Variants in CNTLN observed in about 807,000 individuals in gnomAD.
CNTLN encodes the protein centlein, centrosomal protein.
In CNTLN, 212 loss-of-function variants were observed where a neutral mutation model predicts 180.0. That is an observed-to-expected ratio of 1.18 (90% CI 1.05 to 1.32). The LOEUF (loss-of-function observed/expected upper bound fraction) is 1.32. CNTLN is among the 40% of genes most tolerant of loss of function. The probability of loss-of-function intolerance (pLI) is 0.00; values close to 1 mark genes in which losing one functional copy is unlikely to be tolerated. For missense variants in CNTLN, 2,095 were observed against 1,610.9 expected (o/e 1.30, Z -5.14); for synonymous variants, 722 against 563.1 (o/e 1.28, Z -3.99).
At chr9:17,517,845 G>T in the CNTLN span, among the ~76,000 whole-genome samples, 6 of 152,108 alleles carry the variant, frequency 3.9e-5, no homozygotes, top group South Asian at 8.3e-4. Flanking sequence ...AAAGGGTGGG[G>T]AGAACTAGGC....
intron 6 of CNTLN, among the ~76,000 whole-genome samples, chr9:17,289,768 A>T: frequency 7.0e-6 from 1 of 142,880 alleles, no homozygotes; most frequent in Non-Finnish European, 1.5e-5. Flanking sequence ...TTCATCTTCC[A>T]TTGCTGATAC....
At chr9:17,504,134 A>G (rs546375220), downstream of CNTLN, among the ~76,000 whole-genome samples, 1 of 152,300 alleles carries the variant, frequency 6.6e-6, no homozygotes, top group South Asian at 2.1e-4. Context: ...TTTTCATGTC[A>G]AAACAGGAAA....
intron 7 of CNTLN, chr9:17,299,851 T>G (rs1818223482): frequency 1.0e-6 from 1 of 957,056 alleles, no homozygotes; most frequent in African/African-American, 1.8e-5. Flanking sequence ...TGAAACATTT[T>G]TTTCCCCTCT....
chr9:17,373,969 A>G (rs1198011016), intron 13 of CNTLN, among the ~76,000 whole-genome samples: 3 of 152,310 alleles, frequency 2.0e-5, no homozygotes, highest in East Asian at 1.9e-4. Flanking sequence ...ATCAAACACA[A>G]TGGATTAAAC....
chr9:17,292,487 G>T (rs2483208), intron 6 of CNTLN, among the ~76,000 whole-genome samples: 26,668 of 151,922 alleles, frequency 0.18, 2,637 homozygotes, highest in South Asian at 0.28. Context: ...AGTTCATGGA[G>T]GTTTTGTTTC....
intron 13 of CNTLN, among the ~76,000 whole-genome samples, chr9:17,368,600 C>T (rs1824030785): frequency 1.3e-5 from 2 of 152,112 alleles, no homozygotes; most frequent in Non-Finnish European, 2.9e-5. Flanking sequence ...GTGGTGGTGG[C>T]CACAGGGGTG....
At chr9:17,433,953 G>C (rs114201691) in intron 18 of CNTLN, among the ~76,000 whole-genome samples, 294 of 152,240 alleles carry the variant, frequency 1.9e-3, no homozygotes, top group African/African-American at 6.8e-3. Context: ...GATAATAAGA[G>C]TTTTCCCCAA....
rs147511883 is a variant in CNTLN, at chr9:17,136,248, T to C, written c.360+823T>C. Among the ~76,000 whole-genome samples, 172 of 152,288 alleles carry C rather than the reference T, an allele frequency of 1.1e-3. 2 individuals carry two copies. Among genetic ancestry groups the C allele is most frequent in the South Asian group, 7.7e-3 (37 of 4,826 alleles). On this transcript the variant is annotated intron_variant, in intron 1 of 25. Transcript: ENST00000380647. ...TGGATGTGGGAAACTCACTGAACAGTAGATCTTTAAGTCACTCTGTCTTCA... is the reference window on the plus strand; with the variant it reads ...TGGATGTGGGAAACTCACTGAACAGCAGATCTTTAAGTCACTCTGTCTTCA...
chr9:17,143,432 T>C, intron 2 of CNTLN, 56 bp downstream of exon 2: 1 of 1,278,466 alleles, frequency 7.8e-7, no homozygotes, highest in Non-Finnish European at 1.1e-6. Context: ...TTGTTTCTCT[T>C]CATTATTAAA....
intron 6 of CNTLN, among the ~76,000 whole-genome samples, chr9:17,283,607 G>GC (rs1415967990): frequency 6.6e-6 from 1 of 152,076 alleles, no homozygotes; most frequent in African/African-American, 2.4e-5. Flanking sequence ...TTCCCTGACT[G>GC]CCCTGGCCAG....
rs60903479 is a variant in CNTLN at position 17,503,577 on chromosome 9, C to G, written c.*925C>G. The G allele has an allele frequency of 0.11, 16,699 of 152,296 alleles. 2,578 individuals are homozygous for G. The highest frequency in any genetic ancestry group is 0.35 in the African/African-American group (14,541 of 41,464). The allele number at this position is 152,296 out of a possible 1,614,324, so 9.4% of individuals were successfully genotyped here. Reference sequence around the variant, plus strand: ...TGGCTGGCTCCTTGTCATCATTCAGCTCCACCTTCCCCGGTCCCTCAGAGA... The same window carrying G: ...TGGCTGGCTCCTTGTCATCATTCAGGTCCACCTTCCCCGGTCCCTCAGAGA... On this transcript the variant is annotated 3_prime_UTR_variant, in exon 26 of 26. Transcript: ENST00000380647.
chr9:17,251,114 T>A (rs184925840), intron 5 of CNTLN, among the ~76,000 whole-genome samples: 224 of 152,188 alleles, frequency 1.5e-3, no homozygotes, highest in African/African-American at 4.3e-3. Flanking sequence ...AATCAGCTTT[T>A]ACTCTCATTA....
At chr9:17,516,524 G>A in the CNTLN span, among the ~76,000 whole-genome samples, 1 of 152,204 alleles carries the variant, frequency 6.6e-6, no homozygotes, top group Admixed American at 6.5e-5. Flanking sequence ...GTGCAGAAAT[G>A]TAACTGGACA....
At chr9:17,296,081 G>T (rs1210999567) in intron 6 of CNTLN, among the ~76,000 whole-genome samples, 1 of 151,412 alleles carries the variant, frequency 6.6e-6, no homozygotes, top group Non-Finnish European at 1.5e-5. Context: ...GAGTGGGGTG[G>T]TGCGATCTCG....
At chr9:17,322,206 G>T (rs930400915) in intron 8 of CNTLN, among the ~76,000 whole-genome samples, 1 of 151,982 alleles carries the variant, frequency 6.6e-6, no homozygotes, top group Non-Finnish European at 1.5e-5. Flanking sequence ...TCAATTTTCA[G>T]GAGAGAACAA....
intron 2 of CNTLN, among the ~76,000 whole-genome samples, chr9:17,159,490 TG>T (rs1303352140): frequency 3.3e-5 from 5 of 152,184 alleles, no homozygotes; most frequent in African/African-American, 1.2e-4. Context: ...CATCACAAGC[TG>T]GGGTCTCAAT....
At chr9:17,147,475 G>T (rs1008821569) in intron 2 of CNTLN, among the ~76,000 whole-genome samples, 1 of 151,940 alleles carries the variant, frequency 6.6e-6, no homozygotes, top group Non-Finnish European at 1.5e-5. Flanking sequence ...GCCTTTCTGG[G>T]GCCTCTTCTA....
At chr9:17,413,763 A>G (rs1194356952) in intron 16 of CNTLN, among the ~76,000 whole-genome samples, 1 of 152,208 alleles carries the variant, frequency 6.6e-6, no homozygotes, top group East Asian at 1.9e-4. Flanking sequence ...TATATTGTTC[A>G]TGTGAATATA....
chr9:17,163,770 G>C (rs1819849464), intron 2 of CNTLN, among the ~76,000 whole-genome samples: 1 of 152,208 alleles, frequency 6.6e-6, no homozygotes, highest in African/African-American at 2.4e-5. Context: ...ACTCATGCCT[G>C]TAATCCCAGC....
Sources: allele counts gnomAD v4.1 joint callset (sites outside exome capture counted in the v4.1 genomes callset), GRCh38; gene constraint gnomAD v4.1.1; transcripts MANE v1.5; gene names NCBI Gene and HGNC (gene_info 2026-07-23, HGNC 2026-07-21).